MED13L: variants seen among roughly 807,000 people sequenced by gnomAD.
The protein encoded by MED13L is mediator complex subunit 13L, also known as mediator of RNA polymerase II transcription subunit 13-like.
MED13L carries 7 observed loss-of-function variants against 220.9 expected under a neutral mutation model. The observed-to-expected ratio is 0.03, with a 90% CI of 0.02 to 0.06. The LOEUF (loss-of-function observed/expected upper bound fraction) is 0.06, where lower values mean the gene tolerates loss of function less well. Ranked by LOEUF, MED13L falls within the 10% of genes least tolerant of loss-of-function variation. MED13L has a pLI of 1.00. For synonymous variants in MED13L, 1,011 were observed against 1,015.2 expected, an observed-to-expected ratio of 1.00 and a Z score of 0.08; for missense variants, 1,965 against 2,760.5, an observed-to-expected ratio of 0.71 and a Z score of 6.46.
intron 2 of MED13L, among the ~76,000 whole-genome samples, chr12:116,164,807 C>T (rs1879130555): frequency 6.6e-6 from 1 of 152,082 alleles, no homozygotes; most frequent in Admixed American, 6.6e-5. Flanking sequence ...TGAATTTTAG[C>T]CTGAAATGTA....
intron 2 of MED13L, among the ~76,000 whole-genome samples, chr12:116,189,822 T>C (rs1461527829): frequency 6.6e-6 from 1 of 152,190 alleles, no homozygotes; most frequent in Non-Finnish European, 1.5e-5. Context: ...ATTTTTAATT[T>C]TTGTGTACAT....
intron 22 of MED13L, 89 bp downstream of exon 22, chr12:115,982,277 ATTAACCTGTACTTCCATT>A (rs1877379820): frequency 1.7e-6 from 2 of 1,206,666 alleles, no homozygotes; most frequent in Non-Finnish European, 2.4e-6. Flanking sequence ...TTAGGGGATA[ATTAACCTGTACTTCCATT>A]TTTTAAGAAA....
chr12:116,020,961 T>C lies in MED13L; in HGVS notation c.626-989A>G, dbSNP rs544309139. On this transcript the variant is annotated intron_variant, in intron 5 of 30. Coordinates refer to ENST00000281928, the MANE Select transcript of MED13L (RefSeq NM_015335.5). ...TATAGACATCACATGTATCGTTGAG[T>C]CTTTCTGCTGTTCCTCAATGATCCA... is the stretch of plus-strand genomic sequence containing the variant. 3.9e-5 allele frequency among the ~76,000 whole-genome samples: 6 copies of C among 152,224 alleles called. No homozygotes were observed. The South Asian group carries it at 1.2e-3, about 32-fold the overall frequency.
At chr12:116,275,672 G>A (rs1335616187) in intron 1 of MED13L, among the ~76,000 whole-genome samples, 1 of 152,250 alleles carries the variant, frequency 6.6e-6, no homozygotes, top group African/African-American at 2.4e-5. Flanking sequence ...GGGAAATAAT[G>A]CTTCTATCTA....
chr12:116,074,859 T>C (rs1280081511), intron 4 of MED13L, among the ~76,000 whole-genome samples: 1 of 152,264 alleles, frequency 6.6e-6, no homozygotes, highest in African/African-American at 2.4e-5. Flanking sequence ...GACCACTGCA[T>C]ATAAATTCAG....
At chr12:116,163,157 T>C (rs532356511) in intron 2 of MED13L, among the ~76,000 whole-genome samples, 1 of 152,164 alleles carries the variant, frequency 6.6e-6, no homozygotes, top group South Asian at 2.1e-4. Context: ...AGTTACAAAA[T>C]ACAAACAAAA....
intron 4 of MED13L, among the ~76,000 whole-genome samples, chr12:116,084,242 T>C (rs1871447743): frequency 6.6e-6 from 1 of 152,170 alleles, no homozygotes. Context: ...AAAGTGTCCT[T>C]TGGTAACTTA....
At chr12:116,091,937 T>A (rs1388853547) in intron 4 of MED13L, among the ~76,000 whole-genome samples, 1 of 152,294 alleles carries the variant, frequency 6.6e-6, no homozygotes, top group East Asian at 1.9e-4. Context: ...ATGTTGATGA[T>A]CCCCAAGACT....
intron 2 of MED13L, chr12:116,174,476 G>A (rs969448967): frequency 7.4e-5 from 11 of 149,462 alleles, no homozygotes; most frequent in African/African-American, 2.7e-4. Context: ...TTACAAACTC[G>A]TTTTTGTTTT....
chr12:116,063,572 T>C (rs1251464102), intron 4 of MED13L, among the ~76,000 whole-genome samples: 1 of 152,160 alleles, frequency 6.6e-6, no homozygotes. Flanking sequence ...AAGCCACTGT[T>C]TCCTTCGAGT....
chr12:116,003,904 C>T (rs901669580), intron 13 of MED13L, among the ~76,000 whole-genome samples: 6 of 152,018 alleles, frequency 3.9e-5, no homozygotes, highest in African/African-American at 1.2e-4. Context: ...TAAGGTAAAC[C>T]GCTCATGTGA....
rs1444230477 is a variant in MED13L at position 116,008,956 on chromosome 12, G to A, written c.1457C>T (p.Pro486Leu). Reference sequence around the variant, plus strand: ...GGCCACAGAGGGCCTATGGTGAAATGGTATTAAGGGTCTCTTTTGCAGCTT... The same window carrying A: ...GGCCACAGAGGGCCTATGGTGAAATAGTATTAAGGGTCTCTTTTGCAGCTT... ...GDKLQKRPLI[P>L]FHHRPSVAEE... Residue 486 changes from proline (P) to leucine (L), a missense_variant, in exon 10 of 31, where the codon CCA becomes CTA. Transcript: ENST00000281928. The A allele has an allele frequency of 1.2e-6, 2 of 1,614,048 alleles. No homozygotes were observed. The highest frequency in any genetic ancestry group is 2.7e-5 in the African/African-American group (2 of 75,018).
intron 2 of MED13L, among the ~76,000 whole-genome samples, chr12:116,232,747 CACTA>C (rs991568831): frequency 6.6e-6 from 1 of 152,134 alleles, no homozygotes; most frequent in East Asian, 1.9e-4. Context: ...TCTTTCCCAC[CACTA>C]ACTAACAGGC....
intron 1 of MED13L, among the ~76,000 whole-genome samples, chr12:116,248,813 T>C (rs1268474470): frequency 6.6e-6 from 1 of 152,228 alleles, no homozygotes; most frequent in African/African-American, 2.4e-5. Context: ...CAGACAAATG[T>C]GACATTTAAA....
Position 116,274,015 on chromosome 12 carries a change from A to G in MED13L, c.72+3045T>C, listed in dbSNP as rs139783370. Among the ~76,000 whole-genome samples the G allele has an allele frequency of 2.2e-3, 330 of 152,318 alleles. 1 individual carries two copies. Among genetic ancestry groups the G allele is most frequent in the Middle Eastern group, 0.014 (4 of 294 alleles). ...GTCACCCAGAAATGTGATGGACAGC[A>G]TAAGAAAATAGTTTTGAGTCAGAAA... On this transcript the variant is annotated intron_variant, in intron 1 of 30. Coordinates refer to ENST00000281928, the MANE Select transcript of MED13L (RefSeq NM_015335.5).
At chr12:115,962,429 T>C (rs1052745005) in intron 30 of MED13L, among the ~76,000 whole-genome samples, 3 of 152,196 alleles carry the variant, frequency 2.0e-5, no homozygotes, top group Non-Finnish European at 4.4e-5. Context: ...CTCGCTCACT[T>C]GCTACTTACC....
At position 116,008,505 on chromosome 12, in the gene MED13L, A is replaced by G; in HGVS notation, c.1908T>C (p.Tyr636=). 1 of 1,613,858 alleles carries G rather than the reference A, an allele frequency of 6.2e-7. No individual in the cohort carries two copies. Residue 636 remains tyrosine, a synonymous_variant, in exon 10 of 31, where the codon TAT becomes TAC. Coordinates refer to ENST00000281928, the MANE Select transcript of MED13L (RefSeq NM_015335.5). ...PESSEKWWHS[Y]RLPPSDDAEF... ...CAGCATCATCACTGGGTGGGAGACG[A>G]TAACTATGCCACCACTTTTCTGATG...
At chr12:116,108,086 T>C (rs993066249) in intron 3 of MED13L, among the ~76,000 whole-genome samples, 1 of 150,750 alleles carries the variant, frequency 6.6e-6, no homozygotes, top group African/African-American at 2.4e-5. Flanking sequence ...CGAGACTCCA[T>C]CTCAAAACAA....
In MED13L at chr12:116,277,547, C is replaced by A. The variant is rs2138618965; in HGVS notation, c.-416G>T. On this transcript the variant is annotated 5_prime_UTR_variant, in exon 1 of 31. Transcript: ENST00000281928. ...CCGCCGCCGCCGCGGAGCGCGAACT[C>A]GCGAAGGGGGGGGTGCGGACGAAGC... Among the ~76,000 whole-genome samples the A allele has an allele frequency of 6.7e-6, 1 of 149,480 alleles. No homozygotes were observed. Among genetic ancestry groups the A allele is most frequent in the East Asian group, 2.0e-4 (1 of 5,036 alleles).
Sources: gnomAD v4.1 joint callset for allele counts (sites outside exome capture counted in the v4.1 genomes callset) on GRCh38, gnomAD v4.1.1 for gene constraint, MANE v1.5 for transcripts, NCBI Gene and HGNC (gene_info 2026-07-23, HGNC 2026-07-21) for gene names.